The following SCFD1 variants were observed in gnomAD, a reference collection of about 807,000 sequenced individuals.
SCFD1 encodes sec1 family domain-containing protein 1.
A neutral mutation model predicts 103.2 loss-of-function variants in SCFD1; 37 were observed. That is an observed-to-expected ratio of 0.36 (90% CI 0.28 to 0.47). SCFD1 has a LOEUF of 0.47. Ranked by LOEUF, SCFD1 falls within the 20% of genes least tolerant of loss-of-function variation. SCFD1 has a pLI of 1.00. For missense variants in SCFD1, 639 were observed against 761.2 expected (o/e 0.84, Z 1.89); for synonymous variants, 264 against 245.0 (o/e 1.08, Z -0.73).
chr14:30,673,178 C>A, intron 11 of SCFD1, 79 bp from the exon 12 acceptor site: 2 of 570,576 alleles, frequency 3.5e-6, no homozygotes, highest in Non-Finnish European at 6.2e-6. Context: ...AATAAATGTT[C>A]ATTGTATATA....
intron 12 of SCFD1, 96 bp from the exon 13 acceptor site, chr14:30,673,828 A>C: frequency 1.2e-6 from 1 of 842,070 alleles, no homozygotes; most frequent in East Asian, 2.5e-5. Flanking sequence ...GTATATCAAT[A>C]ATCTTAGGAT....
chr14:30,622,552 T>A (rs229143), intron 1 of SCFD1, 153 bp downstream of exon 1: 497,370 of 1,344,630 alleles, frequency 0.37, 101,799 homozygotes, highest in African/African-American at 0.79. Flanking sequence ...TGGGGAGAAG[T>A]TGCCATTAGC....
At position 30,721,601 on chromosome 14, in the gene SCFD1, C is replaced by T. The variant is rs559929430; in HGVS notation, c.1737-283C>T. 130 of 358,144 alleles carry T rather than the reference C, an allele frequency of 3.6e-4. 2 individuals carry two copies. The South Asian group carries it at 5.7e-3, about 16-fold the overall frequency. The allele number at this position is 358,144 out of a possible 1,614,324, so 22.2% of individuals were successfully genotyped here. A position where few individuals can be genotyped will look rare whatever the true frequency, so the allele number is the denominator to read the frequency against. Reference sequence around the variant, plus strand: ...ACAAACCCAGACTTACGCTCCTCCTCGTGGGAGTTGCTGCTCAGTCATCTA... The same window carrying T: ...ACAAACCCAGACTTACGCTCCTCCTTGTGGGAGTTGCTGCTCAGTCATCTA... On this transcript the variant is annotated intron_variant, in intron 21 of 24. Transcript: ENST00000458591.
chr14:30,650,419 A>T, intron 8 of SCFD1, 146 bp from the exon 9 acceptor site: 1 of 624,504 alleles, frequency 1.6e-6, no homozygotes, highest in Admixed American at 2.9e-5. Flanking sequence ...AAGTGGTAAG[A>T]CGGAGCTAAA....
chr14:30,724,583 T>A (rs529619378), intron 23 of SCFD1, among the ~76,000 whole-genome samples: 5 of 152,292 alleles, frequency 3.3e-5, no homozygotes, highest in Admixed American at 3.3e-4. Flanking sequence ...AAGTTCCTTA[T>A]AGATGCGGGA....
chr14:30,725,385 G>A (rs1303297355), intron 23 of SCFD1, among the ~76,000 whole-genome samples: 2 of 152,106 alleles, frequency 1.3e-5, no homozygotes, highest in Non-Finnish European at 2.9e-5. Flanking sequence ...AGTTCTGCTT[G>A]TAGAGATCTT....
chr14:30,679,619 G>A (rs1027734404), intron 14 of SCFD1, among the ~76,000 whole-genome samples: 2 of 151,734 alleles, frequency 1.3e-5, no homozygotes, highest in Non-Finnish European at 2.9e-5. Context: ...TTGACAGACT[G>A]CGTATTTTAG....
chr14:30,724,968 G>A (rs747834761), intron 23 of SCFD1, among the ~76,000 whole-genome samples: 1 of 152,042 alleles, frequency 6.6e-6, no homozygotes, highest in Non-Finnish European at 1.5e-5. Flanking sequence ...CTTTTGTCAG[G>A]TTTGTCGAAG....
At chr14:30,640,138 G>C (rs1255281179) in intron 6 of SCFD1, among the ~76,000 whole-genome samples, 2 of 152,100 alleles carry the variant, frequency 1.3e-5, no homozygotes, top group African/African-American at 4.8e-5. Flanking sequence ...GTTCACTCAT[G>C]GCAAGTAAGA....
At chr14:30,728,277 G>T (rs911373006) in intron 23 of SCFD1, among the ~76,000 whole-genome samples, 1 of 152,132 alleles carries the variant, frequency 6.6e-6, no homozygotes, top group African/African-American at 2.4e-5. Context: ...TCAAACATTT[G>T]CTCCAATACT....
At chr14:30,675,204 T>C (rs1888929796) in intron 14 of SCFD1, 139 bp downstream of exon 14, 1 of 451,678 alleles carries the variant, frequency 2.2e-6, no homozygotes, top group South Asian at 6.6e-5. Flanking sequence ...AGCAGTATTA[T>C]AGTTATTTTT....
chr14:30,708,109 A>G (rs1162057190), intron 19 of SCFD1, 44 bp downstream of exon 19: 2 of 1,248,858 alleles, frequency 1.6e-6, no homozygotes. Flanking sequence ...TTTTAAACAT[A>G]AATGTTGACA....
intron 23 of SCFD1, among the ~76,000 whole-genome samples, chr14:30,724,437 G>T (rs1892900329): frequency 6.6e-6 from 1 of 151,664 alleles, no homozygotes; most frequent in Admixed American, 6.6e-5. Flanking sequence ...ATTTTTAGTA[G>T]ACACGGAGTT....
intron 18 of SCFD1, among the ~76,000 whole-genome samples, chr14:30,707,637 T>G (rs1203046917): frequency 6.6e-6 from 1 of 152,122 alleles, no homozygotes; most frequent in Non-Finnish European, 1.5e-5. Context: ...TTTTTTAGCA[T>G]TAGACAATCA....
intron 17 of SCFD1, among the ~76,000 whole-genome samples, chr14:30,705,183 G>C (rs1375268838): frequency 1.3e-5 from 2 of 152,180 alleles, no homozygotes; most frequent in African/African-American, 2.4e-5. Context: ...AAATCATTGA[G>C]TGGTAGAGTT....
At chr14:30,729,907 G>A (rs941119198) in intron 23 of SCFD1, among the ~76,000 whole-genome samples, 4 of 151,710 alleles carry the variant, frequency 2.6e-5, no homozygotes, top group Non-Finnish European at 4.4e-5. Context: ...TGTGCACAAC[G>A]TGCAGGTTTG....
Position 30,668,761 on chromosome 14 carries a change from A to C in SCFD1, c.856-1495A>C, listed in dbSNP as rs188157150. ...CGAAGGATATGAACAGACACTTTTC[A>C]AAAGAAGACATTTATGCAGCCAAAA... On this transcript the variant is annotated intron_variant, in intron 10 of 24. Coordinates refer to ENST00000458591, the MANE Select transcript of SCFD1 (RefSeq NM_016106.4). Among the ~76,000 whole-genome samples, 41 of 152,372 alleles carry C rather than the reference A, an allele frequency of 2.7e-4. No individual in the cohort carries two copies. In the East Asian group the frequency reaches 7.7e-3, roughly 29 times the overall value.
intron 15 of SCFD1, among the ~76,000 whole-genome samples, chr14:30,696,056 T>C (rs892158799): frequency 1.3e-5 from 2 of 152,196 alleles, no homozygotes; most frequent in African/African-American, 4.8e-5. Context: ...CTCAGCTTTT[T>C]CCAAAACAAA....
intron 5 of SCFD1, among the ~76,000 whole-genome samples, chr14:30,639,297 T>C (rs1362241292): frequency 6.6e-6 from 1 of 152,228 alleles, no homozygotes; most frequent in East Asian, 1.9e-4. Context: ...TTAATTTGGT[T>C]AACTAAATTC....
Sources: gnomAD v4.1 joint callset for allele counts (sites outside exome capture counted in the v4.1 genomes callset) on GRCh38, gnomAD v4.1.1 for gene constraint, MANE v1.5 for transcripts, NCBI Gene and HGNC (gene_info 2026-07-23, HGNC 2026-07-21) for gene names.